CD46: variants seen among roughly 807,000 people sequenced by gnomAD.
CD46 encodes membrane cofactor protein.
A neutral mutation model predicts 53.3 loss-of-function variants in CD46; 30 were observed. The observed-to-expected ratio is 0.56, with a 90% CI of 0.42 to 0.76. CD46 has a LOEUF of 0.76. Ranked by LOEUF, CD46 falls within the 30% of genes least tolerant of loss-of-function variation. CD46 has a pLI of 0.00. For missense variants in CD46, 409 were observed against 463.0 expected (o/e 0.88, Z 1.07); for synonymous variants, 142 against 152.0 (o/e 0.93, Z 0.48).
Position 207,752,838 on chromosome 1 carries a change from G to C in CD46, c.97+529G>C, listed in dbSNP as rs1186687089. On this transcript the variant is annotated intron_variant, in intron 1 of 12. Transcript: ENST00000367042. This position sits in a 1 kb window ranked among gnomAD's most constrained non-coding sequence, Gnocchi z 4.1. ...CAGGGGCCTGGCCAGGTGTTGCTGG[G>C]AGCGTGCTGTGCGTAAGTGGCCTGT... Among the ~76,000 whole-genome samples the C allele has an allele frequency of 6.6e-6, 1 of 152,164 alleles. No individual in the cohort carries two copies. The highest frequency in any genetic ancestry group is 2.4e-5 in the African/African-American group (1 of 41,426).
chr1:207,774,143 T>C (rs1657826621), intron 8 of CD46, among the ~76,000 whole-genome samples: 2 of 152,224 alleles, frequency 1.3e-5, no homozygotes, highest in South Asian at 4.1e-4. Flanking sequence ...TGTAGTGGCC[T>C]TCTTTGTCTC....
At chr1:207,777,650 G>A (rs1020489611) in intron 8 of CD46, among the ~76,000 whole-genome samples, 2 of 152,082 alleles carry the variant, frequency 1.3e-5, no homozygotes, top group South Asian at 2.1e-4. Flanking sequence ...AGTATTCCAC[G>A]GTGTATATGT....
At chr1:207,783,571 C>G in intron 9 of CD46, 2 of 345,964 alleles carry the variant, frequency 5.8e-6, no homozygotes, top group Non-Finnish European at 1.1e-5. Context: ...ATACATGAAC[C>G]TTAAAGCAAT....
intron 1 of CD46, among the ~76,000 whole-genome samples, chr1:207,756,369 C>T (rs1655540474): frequency 6.6e-6 from 1 of 152,190 alleles, no homozygotes; most frequent in South Asian, 2.1e-4. Flanking sequence ...ATTACCTGTC[C>T]TTTTAGGGCA....
At chr1:207,764,993 A>G (rs1256223853) in intron 5 of CD46, among the ~76,000 whole-genome samples, 2 of 152,184 alleles carry the variant, frequency 1.3e-5, no homozygotes, top group East Asian at 3.8e-4. Context: ...CAAAAACATT[A>G]TAAGAAAATT....
At chr1:207,781,741 G>A (rs1658756849) in intron 8 of CD46, among the ~76,000 whole-genome samples, 1 of 152,090 alleles carries the variant, frequency 6.6e-6, no homozygotes, top group South Asian at 2.1e-4. Context: ...ATATATGCAG[G>A]GGTTTATTTC....
chr1:207,793,299 G>A (rs1659974696), intron 12 of CD46, among the ~76,000 whole-genome samples: 1 of 152,116 alleles, frequency 6.6e-6, no homozygotes, highest in East Asian at 1.9e-4. Flanking sequence ...TTCTTGTTTT[G>A]GAGGGGATCA....
At chr1:207,769,214 T>C (rs2102606151) in intron 7 of CD46, 2 of 152,436 alleles carry the variant, frequency 1.3e-5, no homozygotes, top group Non-Finnish European at 2.9e-5. Context: ...GCCAAGATCA[T>C]GCCACTGCAC....
chr1:207,757,264 T>A, intron 2 of CD46, 62 bp downstream of exon 2: 6 of 1,374,380 alleles, frequency 4.4e-6, no homozygotes, highest in Non-Finnish European at 6.2e-6. Flanking sequence ...CATTTTGGGG[T>A]ACATATTCCA....
At chr1:207,783,500 A>T (rs1658983395) in intron 9 of CD46, 170 bp downstream of exon 9, 4 of 513,718 alleles carry the variant, frequency 7.8e-6, no homozygotes, top group Non-Finnish European at 1.1e-5. Flanking sequence ...TTCTTTCCAC[A>T]TTATATTGTT....
At chr1:207,783,140 A>G (rs1325927362) in intron 8 of CD46, 152 bp from the exon 9 acceptor site, 2 of 458,122 alleles carry the variant, frequency 4.4e-6, no homozygotes, top group Admixed American at 3.7e-5. Flanking sequence ...ACTTTGAGAA[A>G]CATTAATATA....
chr1:207,761,140 A>G, intron 4 of CD46, 109 bp from the exon 5 acceptor site: 2 of 680,362 alleles, frequency 2.9e-6, no homozygotes. Flanking sequence ...TTGAATTCAC[A>G]AACAGCTTGT....
chr1:207,791,640 C>A (rs965314973), intron 12 of CD46, among the ~76,000 whole-genome samples: 2 of 152,154 alleles, frequency 1.3e-5, no homozygotes, highest in African/African-American at 4.8e-5. Context: ...ATATTTTTGA[C>A]CGTATTTGAC....
chr1:207,772,859 A>C (rs1436293838), intron 8 of CD46, among the ~76,000 whole-genome samples: 1 of 152,076 alleles, frequency 6.6e-6, no homozygotes, highest in Non-Finnish European at 1.5e-5. Flanking sequence ...GCCTAAAATT[A>C]TCTCTTTTTG....
At chr1:207,783,661 T>G (rs1659001269) in intron 9 of CD46, 1 of 175,172 alleles carries the variant, frequency 5.7e-6, no homozygotes. Context: ...CAATGCATGT[T>G]AAAAAAAAAG....
Position 207,794,369 on chromosome 1 carries a change from C to T in CD46, c.*892C>T, listed in dbSNP as rs559447118. ...CATGGTGCGAAGTGAACACTGTAGT[C>T]TTGTTGTTTTCCCAAAGAGAACTCC... On this transcript the variant is annotated 3_prime_UTR_variant, in exon 13 of 13. Coordinates refer to ENST00000367042, the MANE Select transcript of CD46 (RefSeq NM_172351.3). The T allele has an allele frequency of 6.6e-6, 1 of 152,324 alleles. No homozygotes were observed. Among genetic ancestry groups the T allele is most frequent in the Admixed American group, 6.5e-5 (1 of 15,302 alleles). 9.4% of individuals were successfully genotyped at this position (152,324 alleles called of 1,614,324 possible). A position where few individuals can be genotyped will look rare whatever the true frequency, so the allele number is the denominator to read the frequency against.
At chr1:207,782,230 GTA>G (rs1658813100) in intron 8 of CD46, among the ~76,000 whole-genome samples, 1 of 152,018 alleles carries the variant, frequency 6.6e-6, no homozygotes, top group Non-Finnish European at 1.5e-5. Flanking sequence ...CATTGTTAGT[GTA>G]TAGAAATACA....
intron 8 of CD46, among the ~76,000 whole-genome samples, chr1:207,782,749 G>A (rs1377958063): frequency 7.0e-6 from 1 of 142,922 alleles, no homozygotes; most frequent in African/African-American, 2.6e-5. Flanking sequence ...CCGGGTTCAA[G>A]CGATTCTCCT....
In CD46 at chr1:207,757,623, C is replaced by T. The variant is rs376091114; in HGVS notation, c.370C>T (p.His124Tyr). 7.5e-6 allele frequency: 12 copies of T among 1,606,984 alleles called. No homozygotes were observed. The highest frequency in any genetic ancestry group is 1.3e-5 in the African/African-American group (1 of 74,782). ...NGTYEFGYQM[H>Y]FICNEGYYLI... ...GACTTACGAGTTTGGTTATCAGATG[C>T]ACTTTATTTGTAATGAGGGGTAAGT... The change falls in exon 3 of 13, where the codon CAC (histidine) becomes TAC (tyrosine). Residue 124 changes from histidine to tyrosine, a missense_variant. By Grantham distance (83) the His-to-Tyr change is moderately conservative. Coordinates refer to ENST00000367042, the MANE Select transcript of CD46 (RefSeq NM_172351.3).
Sources: allele counts gnomAD v4.1 joint callset (sites outside exome capture counted in the v4.1 genomes callset), GRCh38; gene constraint gnomAD v4.1.1; non-coding constraint Gnocchi (gnomAD v3.1); transcripts MANE v1.5; gene names NCBI Gene and HGNC (gene_info 2026-07-23, HGNC 2026-07-21).